Variants in TM4SF19 observed in about 807,000 individuals in gnomAD.
TM4SF19 encodes transmembrane 4 L6 family member 19.
TM4SF19 carries 17 observed loss-of-function variants against 21.8 expected under a neutral mutation model. That is an observed-to-expected ratio of 0.78 (90% CI 0.53 to 1.17). The LOEUF (loss-of-function observed/expected upper bound fraction) is 1.17, where lower values mean the gene tolerates loss of function less well. TM4SF19 is among the 50% of genes most tolerant of loss of function. TM4SF19 has a pLI of 0.00. For missense variants in TM4SF19, 216 were observed against 252.1 expected (o/e 0.86, Z 0.97); for synonymous variants, 107 against 106.7 (o/e 1.00, Z -0.02).
At position 196,327,543 on chromosome 3, in the gene TM4SF19, A is replaced by T; in HGVS notation, c.48T>A (p.Arg16=). The part of the protein sequence containing the change: ...CTQASSRTCS[R]ILGLSLGTAA... ...CAGTCCCAAGGCTCAGTCCCAGGAT[A>T]CGGGAGCAAGTCCGTGAGCTTGCCT... Residue 16 remains arginine (R), a synonymous_variant, in exon 2 of 5, where the codon CGT becomes CGA. Coordinates refer to ENST00000273695, the MANE Select transcript of TM4SF19 (RefSeq NM_138461.4). The T allele has an allele frequency of 6.2e-7, 1 of 1,614,062 alleles. No homozygotes were observed. The highest frequency in any genetic ancestry group is 1.3e-5 in the African/African-American group (1 of 75,072).
At chr3:196,328,232 A>G (rs1727383291) in intron 1 of TM4SF19, among the ~76,000 whole-genome samples, 1 of 152,006 alleles carries the variant, frequency 6.6e-6, no homozygotes, top group Non-Finnish European at 1.5e-5. Flanking sequence ...CCCGGGAGGC[A>G]GAGGTTGCAG....
chr3:196,328,991 T>C (rs1727409288), intron 1 of TM4SF19, among the ~76,000 whole-genome samples: 1 of 151,956 alleles, frequency 6.6e-6, no homozygotes, highest in Admixed American at 6.6e-5. Context: ...TTGCTCAGGC[T>C]GGAGTGCAGT....
Position 196,329,099 on chromosome 3 carries a change from A to G in TM4SF19, c.-1-1508T>C, listed in dbSNP as rs1360117383. Among the ~76,000 whole-genome samples, 7 of 128,206 alleles carry G rather than the reference A, an allele frequency of 5.5e-5. 3 individuals are homozygous for G. The Admixed American group carries it at 6.2e-4, about 11-fold the overall frequency. 84.1% of individuals were successfully genotyped at this position (128,206 alleles called of 152,430 possible). A position where few individuals can be genotyped will look rare whatever the true frequency, so the allele number is the denominator to read the frequency against. ...GCTGGGATTACAGGTGCCCGCCACC[A>G]TGCCCGGTAATTTTTTGTATTTTTA... On this transcript the variant is annotated intron_variant, in intron 1 of 4. Coordinates refer to ENST00000273695, the MANE Select transcript of TM4SF19 (RefSeq NM_138461.4).
Position 196,327,507 on chromosome 3 carries a change from A to G in TM4SF19, c.84T>C (p.Phe28=), listed in dbSNP as rs751419594. The change falls in exon 2 of 5, where the codon TTT becomes TTC. Residue 28 remains phenylalanine, a synonymous_variant. Coordinates refer to ENST00000273695, the MANE Select transcript of TM4SF19 (RefSeq NM_138461.4). ...GGAGTGCCACGTTGGCCCCAGCAGC[A>G]AACAGGGCTGCAGTCCCAAGGCTCA... ...LGLSLGTAAL[F]AAGANVALLL... The G allele has an allele frequency of 1.2e-6, 2 of 1,614,184 alleles. No homozygotes were observed. The highest frequency in any genetic ancestry group is 1.1e-5 in the South Asian group (1 of 91,090).
At chr3:196,329,660 A>G (rs538095423) in intron 1 of TM4SF19, among the ~76,000 whole-genome samples, 1 of 117,014 alleles carries the variant, frequency 8.5e-6, no homozygotes, top group Non-Finnish European at 1.8e-5. Flanking sequence ...AGAGCAAGCG[A>G]CTCCATCTAA....
chr3:196,327,430 T>A lies in TM4SF19; in HGVS notation c.161A>T (p.His54Leu), dbSNP rs1383630375. Residue 54 changes from histidine (H) to leucine (L), a missense_variant, in exon 2 of 5, where the codon CAT becomes CTT. By Grantham distance (99) the His-to-Leu change is moderately conservative. Coordinates refer to ENST00000273695, the MANE Select transcript of TM4SF19 (RefSeq NM_138461.4). Reference sequence around the variant, plus strand: ...CCAGAGCCCAGTTCCCAGCATGGCATGCCTGCCAAGGAGGCCCCTCAACAG... The same window carrying A: ...CCAGAGCCCAGTTCCCAGCATGGCAAGCCTGCCAAGGAGGCCCCTCAACAG... ...TYLLRGLLGR[H>L]AMLGTGLWGG... 2 of 1,614,058 alleles carry A rather than the reference T, an allele frequency of 1.2e-6. No individual in the cohort carries two copies. Among genetic ancestry groups the A allele is most frequent in the African/African-American group, 2.7e-5 (2 of 74,936 alleles).
chr3:196,327,294 T>G lies in TM4SF19; in HGVS notation c.201+96A>C, dbSNP rs73212180. 1.8e-3 allele frequency: 2,201 copies of G among 1,244,978 alleles called. 9 individuals are homozygous for G. The highest frequency in any genetic ancestry group is 2.1e-3 in the Non-Finnish European group (1,861 of 885,750). 77.1% of individuals were successfully genotyped at this position (1,244,978 alleles called of 1,614,324 possible). A position where few individuals can be genotyped will look rare whatever the true frequency, so the allele number is the denominator to read the frequency against. On this transcript the variant is annotated intron_variant, in intron 2 of 4. Transcript: ENST00000273695. ...AAGATCAGCTTGTTAGAATAAACTT[T>G]TCTGCAAGGAATCAAAACACTCTTC...
intron 3 of TM4SF19, among the ~76,000 whole-genome samples, chr3:196,326,561 CTT>C (rs1175637101): frequency 6.6e-6 from 1 of 152,148 alleles, no homozygotes; most frequent in Non-Finnish European, 1.5e-5. Flanking sequence ...CTCTGGAAAA[CTT>C]TCCTGTTCTA....
chr3:196,331,744 G>A (rs1409542179), intron 1 of TM4SF19, among the ~76,000 whole-genome samples: 3 of 151,890 alleles, frequency 2.0e-5, no homozygotes, highest in Non-Finnish European at 2.9e-5. Context: ...CCGAGATTAC[G>A]CCACTGCACT....
chr3:196,337,111 G>C (rs559647864), intron 1 of TM4SF19, among the ~76,000 whole-genome samples: 4 of 139,306 alleles, frequency 2.9e-5, no homozygotes, highest in Non-Finnish European at 6.0e-5. Context: ...GCCCAGGCTG[G>C]AGTGCAGCGG....
At chr3:196,327,622 C>G (rs1329756291) in intron 1 of TM4SF19, 31 bp from the exon 2 acceptor site, 1 of 1,588,138 alleles carries the variant, frequency 6.3e-7, no homozygotes, top group Admixed American at 1.7e-5. Flanking sequence ...GTCGCAGCAG[C>G]TCTGCTGTGG....
rs1169611454 is a variant in TM4SF19 at position 196,324,307 on chromosome 3, C to T, written c.413G>A (p.Trp138Ter). The T allele has an allele frequency of 1.2e-6, 2 of 1,614,160 alleles. No individual in the cohort carries two copies. The highest frequency in any genetic ancestry group is 4.5e-5 in the East Asian group (2 of 44,892). Reference protein sequence around the residue: ...DVSSFNQTQAWKYGYPFKDLH... With the variant: ...DVSSFNQTQA ...GTCTTTGAATGGGTAACCATATTTCCAAGCTTGTGTCTGATTGAAGGATGA... is the reference window on the plus strand; with the variant it reads ...GTCTTTGAATGGGTAACCATATTTCTAAGCTTGTGTCTGATTGAAGGATGA... Residue 138 changes from tryptophan to a stop codon, truncating the protein, a stop_gained, in exon 4 of 5, where the codon TGG becomes TAG. Transcript: ENST00000273695. LOFTEE classifies it high-confidence loss of function.
intron 3 of TM4SF19, chr3:196,324,710 G>A (rs1050895107): frequency 1.1e-5 from 5 of 442,150 alleles, no homozygotes; most frequent in South Asian, 6.4e-5. Flanking sequence ...CGCAGGCCCC[G>A]GATCTCCCTG....
chr3:196,327,047 A>C lies in TM4SF19; in HGVS notation c.202-15T>G, dbSNP rs1423312117. ...GCAGTGAGTACCTGCAGGAGAGAGA[A>C]GAATGTTGAGATGGGGAAATCGACT... On this transcript the variant is annotated splice_polypyrimidine_tract_variant and intron_variant, in intron 2 of 4. Transcript: ENST00000273695. The C allele has an allele frequency of 6.3e-7, 1 of 1,593,010 alleles. No individual in the cohort carries two copies. The highest frequency in any genetic ancestry group is 2.3e-5 in the East Asian group (1 of 44,262).
In TM4SF19 at chr3:196,325,748, GC is replaced by G; in HGVS notation, c.279+1206del. 6.6e-6 allele frequency among the ~76,000 whole-genome samples: 1 copy of G among 152,170 alleles called. No homozygotes were observed. Among genetic ancestry groups the G allele is most frequent in the East Asian group, 1.9e-4 (1 of 5,166 alleles). On this transcript the variant is annotated intron_variant, in intron 3 of 4. Transcript: ENST00000273695. The surrounding 1 kb of genome is among the most constrained non-coding windows in gnomAD (Gnocchi z 4.3). ...CAGTGGTTCCCAAAATGGGGTCCCT[GC>G]CCAGCCGCATCACATCACCTGAGAA...
chr3:196,327,667 G>A, intron 1 of TM4SF19, 76 bp from the exon 2 acceptor site: 1 of 1,286,842 alleles, frequency 7.8e-7, no homozygotes, highest in Non-Finnish European at 1.1e-6. Context: ...AGCATATCAT[G>A]GGTGAGGGAA....
intron 1 of TM4SF19, among the ~76,000 whole-genome samples, chr3:196,331,726 G>A (rs1392873994): frequency 1.3e-5 from 2 of 151,950 alleles, no homozygotes; most frequent in Non-Finnish European, 2.9e-5. Context: ...GGTGGAGGTT[G>A]CAGTGAGCCG....
At chr3:196,326,068 G>A (rs1264553916) in intron 3 of TM4SF19, among the ~76,000 whole-genome samples, 1 of 152,094 alleles carries the variant, frequency 6.6e-6, no homozygotes, top group Non-Finnish European at 1.5e-5. Context: ...TCCGCCTCCC[G>A]GGTTCAAGAG....
At chr3:196,324,678 A>G (rs148975929) in intron 3 of TM4SF19, 152 of 518,178 alleles carry the variant, frequency 2.9e-4, no homozygotes, top group African/African-American at 2.5e-3. Flanking sequence ...TTTCTAGGAG[A>G]GAAAGGACCA....
Sources: gnomAD v4.1 joint callset for allele counts (sites outside exome capture counted in the v4.1 genomes callset) on GRCh38, gnomAD v4.1.1 for gene constraint, Gnocchi (gnomAD v3.1) non-coding constraint, MANE v1.5 for transcripts, NCBI Gene and HGNC (gene_info 2026-07-23, HGNC 2026-07-21) for gene names.